The following WDR90 variants were observed in gnomAD, a reference collection of about 807,000 sequenced individuals.
WDR90 encodes the protein WD repeat domain 90, also known as WD repeat-containing protein 90.
WDR90 carries 238 observed loss-of-function variants against 195.2 expected under a neutral mutation model. The observed-to-expected ratio is 1.22, with a 90% confidence interval of 1.10 to 1.36. The LOEUF (loss-of-function observed/expected upper bound fraction) is 1.36, where lower values mean the gene tolerates loss of function less well. Ranked by LOEUF, WDR90 falls within the 40% of genes most tolerant of loss-of-function variation. WDR90 has a pLI of 0.00. For missense variants in WDR90, 2,734 were observed against 2,439.5 expected, an observed-to-expected ratio of 1.12 and a Z score of -2.54; for synonymous variants, 1,265 against 1,052.4, an observed-to-expected ratio of 1.20 and a Z score of -3.91.
intron 7 of WDR90, 108 bp downstream of exon 7, chr16:651,374 C>A: frequency 7.5e-7 from 1 of 1,330,470 alleles, no homozygotes; most frequent in Non-Finnish European, 1.1e-6. Flanking sequence ...CTGGCTGCAG[C>A]TGGTGCAGGG....
Position 667,526 on chromosome 16 carries a change from C to A in WDR90, c.5184C>A (p.Ser1728=), listed in dbSNP as rs373944645. The A allele has an allele frequency of 3.1e-6, 5 of 1,612,188 alleles. No individual in the cohort carries two copies. The highest frequency in any genetic ancestry group is 3.3e-4 in the Middle Eastern group (2 of 6,080). Residue 1728 remains serine, a synonymous_variant, in exon 41 of 41, where the codon TCC becomes TCA. Transcript: ENST00000293879. ...NAVHLCRFTP[S]ARLLFTAARN... ...TGCACCTGTGCAGGTTTACACCGTC[C>A]GCCAGGCTGCTCTTCACGGCCGCCC...
At chr16:656,178 C>T (rs900636350) in intron 17 of WDR90, 124 bp from the exon 18 acceptor site, 25 of 963,654 alleles carry the variant, frequency 2.6e-5, no homozygotes, top group South Asian at 1.3e-4. Flanking sequence ...ATCTTGCAGC[C>T]GTGTGGAGCC....
Position 650,578 on chromosome 16 carries a change from G to A in WDR90, c.428G>A (p.Cys143Tyr), listed in dbSNP as rs760041857. 8 of 1,612,358 alleles carry A rather than the reference G, an allele frequency of 5.0e-6. No homozygotes were observed. Among genetic ancestry groups the A allele is most frequent in the Non-Finnish European group, 5.9e-6 (7 of 1,179,568 alleles). The change falls in exon 5 of 41, where the codon TGC becomes TAC. Residue 143 changes from cysteine to tyrosine, a missense_variant. Cys to Tyr is a radical substitution (Grantham distance 194). Transcript: ENST00000293879. ...GLAPSGARWT[C>Y]LQLDLQDVLL... ...GCCCCCTCCGGAGCCCGCTGGACCT[G>A]CCTGCAGCTCGATCTGCAGGACGTT...
intron 10 of WDR90, 136 bp downstream of exon 10, chr16:652,671 C>A: frequency 1.1e-6 from 1 of 945,726 alleles, no homozygotes; most frequent in Non-Finnish European, 1.4e-6. Context: ...GCACAGCGGT[C>A]CCGTCCCCCT....
chr16:649,909 G>A, intron 2 of WDR90, 55 bp downstream of exon 2: 3 of 1,590,658 alleles, frequency 1.9e-6, no homozygotes, highest in Non-Finnish European at 2.6e-6. Context: ...CCCCAGGAGA[G>A]CTGCCCCGCC....
rs377285837 is a variant in WDR90, at chr16:656,469, C to G, written c.2134C>G (p.Arg712Gly). ...GTTGGCCCTCGCCATGGAGCAGAGG[C>G]GGGGACAGCTGGCCACCGTGTCCCA... ...PVLALAMEQR[R>G]GQLATVSQDR... Residue 712 changes from arginine to glycine, a missense_variant, in exon 18 of 41, where the codon CGG (arginine) becomes GGG (glycine). Coordinates refer to ENST00000293879, the MANE Select transcript of WDR90 (RefSeq NM_145294.5). 8.8e-6 allele frequency: 14 copies of G among 1,588,572 alleles called. No individual in the cohort carries two copies. Among genetic ancestry groups the G allele is most frequent in the Middle Eastern group, 2.0e-4 (1 of 4,982 alleles).
At chr16:651,168 C>T in intron 6 of WDR90, 31 bp from the exon 7 acceptor site, 1 of 1,613,212 alleles carries the variant, frequency 6.2e-7, no homozygotes, top group Non-Finnish European at 8.5e-7. Context: ...CCTTGGGCCC[C>T]CAGACACTGA....
chr16:657,707 C>G (rs1290479571), intron 20 of WDR90, 55 bp from the exon 21 acceptor site: 1 of 1,480,720 alleles, frequency 6.8e-7, no homozygotes, highest in Non-Finnish European at 9.0e-7. Flanking sequence ...CGGGCCCTGG[C>G]CACGCGCACC....
rs767069831 is a variant in WDR90, at chr16:667,715, G to A, written c.*126G>A. On this transcript the variant is annotated 3_prime_UTR_variant, in exon 41 of 41. Coordinates refer to ENST00000293879, the MANE Select transcript of WDR90 (RefSeq NM_145294.5). ...GGACAGGCCAGGATTCACGTAAATC[G>A]CCTGGAGCAAGCTGTTGTAAATTTG... 15 of 1,437,374 alleles carry A rather than the reference G, an allele frequency of 1.0e-5. No individual in the cohort carries two copies. Among genetic ancestry groups the A allele is most frequent in the Non-Finnish European group, 1.3e-5 (14 of 1,055,058 alleles). 89.0% of individuals were successfully genotyped at this position (1,437,374 alleles called of 1,614,324 possible).
chr16:655,283 G>A (rs1343524423), intron 14 of WDR90, 24 bp from the exon 15 acceptor site: 2 of 1,608,946 alleles, frequency 1.2e-6, no homozygotes, highest in Non-Finnish European at 1.7e-6. Context: ...AGCTGCGGCA[G>A]TGCTCAGTCC....
At position 655,480 on chromosome 16, in the gene WDR90, C is replaced by T; in HGVS notation, c.1718+12C>T. ...TCGGCTGCCATGCTGTGAGTCCCTG[C>T]CCTTCCCCACGGCCTGCCCCGGCAT... is the stretch of plus-strand genomic sequence containing the variant. On this transcript the variant is annotated intron_variant, in intron 15 of 40. Transcript: ENST00000293879. 6.5e-7 allele frequency: 1 copy of T among 1,527,782 alleles called. No individual in the cohort carries two copies. Among genetic ancestry groups the T allele is most frequent in the Non-Finnish European group, 8.8e-7 (1 of 1,137,618 alleles). The allele number at this position is 1,527,782 out of a possible 1,614,324, so 94.6% of individuals were successfully genotyped here.
At chr16:665,874 G>A (rs1226364317) in intron 35 of WDR90, 73 bp downstream of exon 35, 19 of 1,551,752 alleles carry the variant, frequency 1.2e-5, no homozygotes, top group African/African-American at 1.2e-4. Flanking sequence ...GGGCGGGGCC[G>A]CCTCCTCCCT....
At chr16:653,247 C>G in intron 10 of WDR90, 94 bp from the exon 11 acceptor site, 1 of 1,081,752 alleles carries the variant, frequency 9.2e-7, no homozygotes, top group Non-Finnish European at 1.3e-6. Flanking sequence ...CACCCCCTCT[C>G]CCTGGGCTGG....
In WDR90 at chr16:651,089, C is replaced by A. The variant is rs747920911; in HGVS notation, c.654C>A (p.Arg218=). The A allele has an allele frequency of 1.9e-6, 3 of 1,610,950 alleles. No homozygotes were observed. The South Asian group carries it at 3.3e-5, about 18-fold the overall frequency. Residue 218 remains arginine (R), a synonymous_variant, in exon 6 of 41, where the codon CGC becomes CGA. Coordinates refer to ENST00000293879, the MANE Select transcript of WDR90 (RefSeq NM_145294.5). ...CCAAGGGAGAGAGCTGGCATGACCG[C>A]TACATCCACGTCCGGTGAGTGGTTC... ...PVPKGESWHD[R]YIHVRFPSES...
chr16:661,012 C>CCCCG, intron 28 of WDR90, 39 bp from the exon 29 acceptor site: 1 of 206,192 alleles, frequency 4.8e-6, no homozygotes, highest in Non-Finnish European at 6.2e-6. Context: ...CCCCCCCCCC[C>CCCCG]CCCGGCCCGG....
Position 656,879 on chromosome 16 carries a change from C to A in WDR90, c.2342+8C>A. On this transcript the variant is annotated splice_region_variant and intron_variant, in intron 19 of 40. Transcript: ENST00000293879. ...GGTCCTGGTGGAACACACGTAAGTGCCCAGCTGGCCACCAGCCCCACGGAG... is the reference window on the plus strand; with the variant it reads ...GGTCCTGGTGGAACACACGTAAGTGACCAGCTGGCCACCAGCCCCACGGAG... The A allele has an allele frequency of 9.9e-6, 16 of 1,611,108 alleles. No homozygotes were observed. Among genetic ancestry groups the A allele is most frequent in the Non-Finnish European group, 1.4e-5 (16 of 1,179,008 alleles).
At position 655,487 on chromosome 16, in the gene WDR90, C is replaced by A; in HGVS notation, c.1718+19C>A. 6.5e-7 allele frequency: 1 copy of A among 1,527,898 alleles called. No homozygotes were observed. Among genetic ancestry groups the A allele is most frequent in the East Asian group, 2.3e-5 (1 of 42,986 alleles). The allele number at this position is 1,527,898 out of a possible 1,614,324, so 94.6% of individuals were successfully genotyped here. On this transcript the variant is annotated intron_variant, in intron 15 of 40. Coordinates refer to ENST00000293879, the MANE Select transcript of WDR90 (RefSeq NM_145294.5). ...CCATGCTGTGAGTCCCTGCCCTTCC[C>A]CACGGCCTGCCCCGGCATGGGGGCC... is the stretch of plus-strand genomic sequence containing the variant.
In WDR90 at chr16:662,303, G is replaced by A; in HGVS notation, c.4117G>A (p.Glu1373Lys). 6.4e-7 allele frequency: 1 copy of A among 1,574,742 alleles called. No individual in the cohort carries two copies. Among genetic ancestry groups the A allele is most frequent in the Non-Finnish European group, 8.6e-7 (1 of 1,161,240 alleles). Reference protein sequence around the residue: ...LRLWAVGAVSELRCKGSGASS... With the variant: ...LRLWAVGAVSKLRCKGSGASS... ...CCTGTGGGCCGTGGGGGCTGTGTCG[G>A]AGCTGAGGTGCAAGGGCTCAGGCGC... The change falls in exon 33 of 41, where the codon GAG (glutamate) becomes AAG (lysine). Residue 1373 changes from glutamate to lysine, a missense_variant. Coordinates refer to ENST00000293879, the MANE Select transcript of WDR90 (RefSeq NM_145294.5).
intron 20 of WDR90, chr16:657,438 C>T (rs145798625): frequency 0.015 from 12,907 of 847,598 alleles, 139 homozygotes; most frequent in Non-Finnish European, 0.019. Context: ...GGGTCTGTGC[C>T]CAGGAGGCGG....
Sources: gnomAD v4.1 joint callset for allele counts on GRCh38, gnomAD v4.1.1 for gene constraint, MANE v1.5 for transcripts, NCBI Gene and HGNC (gene_info 2026-07-23, HGNC 2026-07-21) for gene names.